The following NCALD variants were observed in gnomAD, a reference collection of about 807,000 sequenced individuals.
NCALD encodes the protein neurocalcin-delta.
NCALD carries 10 observed loss-of-function variants against 18.6 expected under a neutral mutation model. The ratio of observed to expected loss-of-function variants is 0.54; its 90% confidence interval spans 0.33 to 0.91. The LOEUF (loss-of-function observed/expected upper bound fraction) is 0.91. Among genes scored for constraint, NCALD ranks in the 40% least tolerant of loss-of-function variants. The probability of loss-of-function intolerance (pLI) is 0.03; values close to 1 mark genes in which losing one functional copy is unlikely to be tolerated. For missense variants in NCALD, 184 were observed against 247.6 expected, an observed-to-expected ratio of 0.74 and a Z score of 1.72; for synonymous variants, 88 against 87.4, an observed-to-expected ratio of 1.01 and a Z score of -0.04.
intron 1 of NCALD, among the ~76,000 whole-genome samples, chr8:102,046,352 A>T (rs778463057): frequency 2.0e-5 from 3 of 152,184 alleles, no homozygotes; most frequent in Non-Finnish European, 2.9e-5. Context: ...TGTACTCTCC[A>T]TGCATATTCT....
intron 4 of NCALD, chr8:101,872,233 A>G (rs889791758): frequency 1.4e-6 from 2 of 1,457,674 alleles, no homozygotes; most frequent in Non-Finnish European, 1.9e-6. Flanking sequence ...GGCTTTGGTA[A>G]CTTCTTGAAC....
At chr8:102,059,977 T>TTTTTTG (rs1205642635) in intron 1 of NCALD, among the ~76,000 whole-genome samples, 3 of 152,096 alleles carry the variant, frequency 2.0e-5, no homozygotes, top group South Asian at 2.1e-4. Flanking sequence ...TTGTTTTTGT[T>TTTTTTG]TTTTTGTTTT....
chr8:101,832,447 T>G lies in NCALD; in HGVS notation c.-20+54694A>C, dbSNP rs537640125. Reference sequence around the variant, plus strand: ...TGGCTTCTAAAATAATTATTTTCATTGCTTCCCAGGCACATAGCAAAGTTG... The same window carrying G: ...TGGCTTCTAAAATAATTATTTTCATGGCTTCCCAGGCACATAGCAAAGTTG... On this transcript the variant is annotated intron_variant, in intron 4 of 6. Transcript: ENST00000311028. Among the ~76,000 whole-genome samples, 42 of 152,340 alleles carry G rather than the reference T, an allele frequency of 2.8e-4. No individual in the cohort carries two copies. The South Asian group carries it at 8.7e-3, about 32-fold the overall frequency.
intron 1 of NCALD, among the ~76,000 whole-genome samples, chr8:102,080,393 T>A (rs976642485): frequency 6.6e-6 from 1 of 152,186 alleles, no homozygotes; most frequent in Admixed American, 6.5e-5. Flanking sequence ...ACCACATTTT[T>A]TCAGATAGCA....
At chr8:102,006,852 T>C (rs1364864796) in intron 2 of NCALD, among the ~76,000 whole-genome samples, 1 of 152,256 alleles carries the variant, frequency 6.6e-6, no homozygotes, top group Non-Finnish European at 1.5e-5. Context: ...TTGTTACATT[T>C]GTTAACTTCT....
chr8:101,927,191 C>T (rs1818366005), intron 2 of NCALD, among the ~76,000 whole-genome samples: 1 of 152,180 alleles, frequency 6.6e-6, no homozygotes, highest in Non-Finnish European at 1.5e-5. Context: ...TACCTCTTCA[C>T]CAGTTTATTA....
intron 1 of NCALD, among the ~76,000 whole-genome samples, chr8:101,764,227 T>C (rs776262288): frequency 2.0e-5 from 3 of 152,048 alleles, no homozygotes; most frequent in Admixed American, 6.6e-5. Context: ...TCAGTATTGA[T>C]AGGAAAGAGG....
At position 101,828,536 on chromosome 8, in the gene NCALD, C is replaced by T. The variant is rs1271059364; in HGVS notation, c.-20+58605G>A. Among the ~76,000 whole-genome samples, 14 of 146,506 alleles carry T rather than the reference C, an allele frequency of 9.6e-5. No individual in the cohort carries two copies. The Admixed American group carries it at 9.7e-4, about 10-fold the overall frequency. ...ACTGAAGTTAAAATTGCAATGTATTCCTTGGCACTCCCTAATTTCCTTCTT... is the reference window on the plus strand; with the variant it reads ...ACTGAAGTTAAAATTGCAATGTATTTCTTGGCACTCCCTAATTTCCTTCTT... On this transcript the variant is annotated intron_variant, in intron 4 of 6. Coordinates refer to the NCALD transcript ENST00000311028.
chr8:101,933,290 A>C (rs1818643233), intron 2 of NCALD, among the ~76,000 whole-genome samples: 1 of 152,208 alleles, frequency 6.6e-6, no homozygotes, highest in Non-Finnish European at 1.5e-5. Flanking sequence ...CTGTAATCAC[A>C]ATGTTCCCGA....
intron 2 of NCALD, among the ~76,000 whole-genome samples, chr8:101,972,107 A>T (rs568112312): frequency 6.6e-6 from 1 of 152,170 alleles, no homozygotes; most frequent in Admixed American, 6.5e-5. Context: ...GTTGATGAGG[A>T]TGAAAACTGA....
intron 2 of NCALD, among the ~76,000 whole-genome samples, chr8:102,009,721 T>C (rs1187316929): frequency 6.6e-6 from 1 of 152,238 alleles, no homozygotes; most frequent in African/African-American, 2.4e-5. Context: ...AAATGTTCTA[T>C]TGGAGCAGTT....
At chr8:101,908,533 C>A (rs1817686553) in intron 3 of NCALD, among the ~76,000 whole-genome samples, 3 of 152,158 alleles carry the variant, frequency 2.0e-5, no homozygotes, top group African/African-American at 4.8e-5. Flanking sequence ...ATGTTCACAT[C>A]CTTGTACTAA....
intron 4 of NCALD, among the ~76,000 whole-genome samples, chr8:101,858,567 A>G (rs970870037): frequency 6.6e-6 from 1 of 152,140 alleles, no homozygotes; most frequent in Admixed American, 6.5e-5. Flanking sequence ...AGTGGGAGTA[A>G]GACCAGAGGC....
rs1014919838 is a variant in NCALD at position 101,752,166 on chromosome 8, A to AAT, written c.-19-32520_-19-32519dup. Among the ~76,000 whole-genome samples, 13 of 152,136 alleles carry AAT rather than the reference A, an allele frequency of 8.5e-5. 1 individual carries two copies. The highest frequency in any genetic ancestry group is 6.5e-4 in the Admixed American group (10 of 15,268). On this transcript the variant is annotated intron_variant, in intron 1 of 3. Coordinates refer to ENST00000220931, the MANE Select transcript of NCALD (RefSeq NM_032041.3). ...TTGCTAAGAATACAATAAACAGTAAAATATATATAATTCATCCATAAAAAA... is the reference window on the plus strand; with the variant it reads ...TTGCTAAGAATACAATAAACAGTAAAATATATATATAATTCATCCATAAAAAA...
At chr8:102,015,475 T>C (rs1228537423) in intron 2 of NCALD, among the ~76,000 whole-genome samples, 2 of 152,214 alleles carry the variant, frequency 1.3e-5, no homozygotes, top group Non-Finnish European at 2.9e-5. Context: ...TGGTTTCCAT[T>C]CATTTTTGAC....
At chr8:101,998,935 C>T (rs1821337601) in intron 2 of NCALD, among the ~76,000 whole-genome samples, 1 of 152,116 alleles carries the variant, frequency 6.6e-6, no homozygotes, top group African/African-American at 2.4e-5. Flanking sequence ...CACTAGCCTT[C>T]TCTTTTAGCA....
At chr8:101,957,426 T>C (rs1819677722) in intron 2 of NCALD, among the ~76,000 whole-genome samples, 1 of 151,616 alleles carries the variant, frequency 6.6e-6, no homozygotes, top group African/African-American at 2.4e-5. Flanking sequence ...TCTAAAATAC[T>C]GACTGCAGTT....
chr8:101,933,152 T>C (rs898512114), intron 2 of NCALD, among the ~76,000 whole-genome samples: 1 of 152,244 alleles, frequency 6.6e-6, no homozygotes, highest in African/African-American at 2.4e-5. Flanking sequence ...GGCTGAATAA[T>C]GGCCTTTCAA....
intron 4 of NCALD, among the ~76,000 whole-genome samples, chr8:101,876,299 T>C (rs1240261705): frequency 6.6e-6 from 1 of 152,232 alleles, no homozygotes; most frequent in African/African-American, 2.4e-5. Context: ...AGCACAGTTA[T>C]TAGTCAAAGT....
Sources: gnomAD v4.1 joint callset for allele counts (sites outside exome capture counted in the v4.1 genomes callset) on GRCh38, gnomAD v4.1.1 for gene constraint, MANE v1.5 for transcripts, NCBI Gene and HGNC (gene_info 2026-07-23, HGNC 2026-07-21) for gene names.